The following TENM4 variants were observed in gnomAD, a reference collection of about 807,000 sequenced individuals.
The protein encoded by TENM4 is teneurin transmembrane protein 4.
TENM4 carries 82 observed loss-of-function variants against 243.3 expected under a neutral mutation model. That is an observed-to-expected ratio of 0.34 (90% CI 0.28 to 0.40). The LOEUF (loss-of-function observed/expected upper bound fraction) is 0.40. TENM4 is among the 10% of genes least tolerant of loss of function. The probability of loss-of-function intolerance (pLI) is 1.00; values close to 1 mark genes in which losing one functional copy is unlikely to be tolerated. For synonymous variants in TENM4, 1,412 were observed against 1,456.3 expected, an observed-to-expected ratio of 0.97 and a Z score of 0.69; for missense variants, 3,138 against 3,673.3, an observed-to-expected ratio of 0.85 and a Z score of 3.77.
intron 1 of TENM4, among the ~76,000 whole-genome samples, chr11:79,385,534 C>T (rs1290367521): frequency 6.6e-6 from 1 of 152,052 alleles, no homozygotes; most frequent in Non-Finnish European, 1.5e-5. Flanking sequence ...AATTAATTAC[C>T]CAGTTAGAAC....
intron 19 of TENM4, among the ~76,000 whole-genome samples, chr11:78,748,026 A>G (rs556037304): frequency 6.6e-6 from 1 of 152,294 alleles, no homozygotes; most frequent in East Asian, 1.9e-4. Context: ...TGGAAGGTCC[A>G]TTCACCCCTG....
intron 1 of TENM4, among the ~76,000 whole-genome samples, chr11:79,398,654 G>GGATGATCACA (rs1858395187): frequency 6.6e-6 from 1 of 151,092 alleles, no homozygotes; most frequent in Non-Finnish European, 1.5e-5. Flanking sequence ...ACATGATCAG[G>GGATGATCACA]GATGATCACA....
intron 28 of TENM4, among the ~76,000 whole-genome samples, chr11:78,700,697 G>T (rs1434339931): frequency 6.6e-6 from 1 of 152,190 alleles, no homozygotes; most frequent in Non-Finnish European, 1.5e-5. Context: ...CTCTTAAGAA[G>T]TCCTCCACTG....
chr11:79,054,502 CTT>C (rs35951915), intron 6 of TENM4, among the ~76,000 whole-genome samples: 22 of 143,956 alleles, frequency 1.5e-4, no homozygotes, highest in Admixed American at 2.1e-4. Context: ...CAGGTACCAT[CTT>C]TTTTTTTTTT....
intron 6 of TENM4, among the ~76,000 whole-genome samples, chr11:78,984,575 G>C (rs773130769): frequency 2.6e-5 from 4 of 152,122 alleles, no homozygotes; most frequent in Admixed American, 2.6e-4. Flanking sequence ...GACATGACAA[G>C]GGACTCACTA....
intron 3 of TENM4, among the ~76,000 whole-genome samples, chr11:79,149,336 A>G (rs6592832): frequency 0.5 from 75,381 of 151,900 alleles, 20,091 homozygotes; most frequent in African/African-American, 0.7. Flanking sequence ...TGGATACTTA[A>G]CCCATTCATT....
intron 6 of TENM4, among the ~76,000 whole-genome samples, chr11:79,022,312 T>A (rs1858950401): frequency 6.6e-6 from 1 of 152,184 alleles, no homozygotes; most frequent in African/African-American, 2.4e-5. Flanking sequence ...AAGGTGGGAA[T>A]GTGAATCTGT....
At position 79,419,153 on chromosome 11, in the gene TENM4, G is replaced by A. The variant is rs190159475; in HGVS notation, c.-321+21356C>T. Among the ~76,000 whole-genome samples the A allele has an allele frequency of 1.3e-5, 2 of 152,316 alleles. 1 individual carries two copies. The highest frequency in any genetic ancestry group is 3.9e-4 in the East Asian group (2 of 5,180). On this transcript the variant is annotated intron_variant, in intron 1 of 33. Transcript: ENST00000278550. Reference sequence around the variant, plus strand: ...CCTCCAGGACAAACTCGCATCTAAAGTGGTGAAGGAGATGAAAAGCCTACC... The same window carrying A: ...CCTCCAGGACAAACTCGCATCTAAAATGGTGAAGGAGATGAAAAGCCTACC...
chr11:79,353,031 A>T (rs1344971165), intron 1 of TENM4, among the ~76,000 whole-genome samples: 1 of 152,172 alleles, frequency 6.6e-6, no homozygotes, highest in Non-Finnish European at 1.5e-5. Context: ...GAACAAGATC[A>T]CTTCTTAAAT....
At chr11:79,003,719 T>A (rs1189949753) in intron 6 of TENM4, among the ~76,000 whole-genome samples, 1 of 152,006 alleles carries the variant, frequency 6.6e-6, no homozygotes, top group East Asian at 1.9e-4. Context: ...AAGATGACCA[T>A]CCCCAAAGGT....
intron 4 of TENM4, chr11:79,096,928 G>GCGCGCGCACACA (rs1491382120): frequency 9.7e-5 from 13 of 133,888 alleles, no homozygotes; most frequent in African/African-American, 2.9e-4. Flanking sequence ...GCGCGCGCGC[G>GCGCGCGCACACA]CACACACACA....
chr11:79,001,354 G>A (rs944127990), intron 6 of TENM4, among the ~76,000 whole-genome samples: 1 of 152,192 alleles, frequency 6.6e-6, no homozygotes, highest in Non-Finnish European at 1.5e-5. Context: ...GGGAAGCTGG[G>A]AACCCTGCAT....
chr11:78,965,209 A>G (rs1336096121), intron 6 of TENM4, among the ~76,000 whole-genome samples: 1 of 152,026 alleles, frequency 6.6e-6, no homozygotes, highest in Non-Finnish European at 1.5e-5. Flanking sequence ...TACCTTTTAT[A>G]TAGCTGCTGT....
intron 12 of TENM4, among the ~76,000 whole-genome samples, chr11:78,848,234 G>A (rs959650340): frequency 5.3e-5 from 8 of 151,158 alleles, no homozygotes; most frequent in Non-Finnish European, 1.2e-4. Context: ...CTCTTGTTCC[G>A]GGTCTCATCA....
At chr11:78,721,924 G>C (rs1272984282) in intron 24 of TENM4, among the ~76,000 whole-genome samples, 1 of 152,154 alleles carries the variant, frequency 6.6e-6, no homozygotes, top group Non-Finnish European at 1.5e-5. Flanking sequence ...AAATGATCTA[G>C]GTTAGGGAGG....
In TENM4 at chr11:78,722,713, C is replaced by G; in HGVS notation, c.3755G>C (p.Arg1252Thr). 6.2e-7 allele frequency: 1 copy of G among 1,614,052 alleles called. No homozygotes were observed. Among genetic ancestry groups the G allele is most frequent in the Non-Finnish European group, 8.5e-7 (1 of 1,179,888 alleles). Residue 1252 changes from arginine to threonine, a missense_variant, in exon 24 of 34, where the codon AGA becomes ACA. Arg to Thr is a moderately conservative substitution (Grantham distance 71, BLOSUM62 -1). Coordinates refer to ENST00000278550, the MANE Select transcript of TENM4 (RefSeq NM_001098816.3). ...GACATTTCCAGAGGGGAAGATCCTT[C>G]TAATGTAGTTGAAATCACCCACATA... ...SLYVGDFNYI[R>T]RIFPSGNVTN...
rs1863018226 is a variant in TENM4 at position 79,170,539 on chromosome 11, G to A, written c.-162-21733C>T. On this transcript the variant is annotated intron_variant, in intron 3 of 33. Transcript: ENST00000278550. The stretch of plus-strand genomic sequence containing the variant: ...GCAGGCCCCTAATCCAATATGACTC[G>A]TGTTCTCCTAAGCAGTGGAAATAGT... 2.0e-5 allele frequency among the ~76,000 whole-genome samples: 3 copies of A among 152,198 alleles called. No homozygotes were observed. In the South Asian group the frequency reaches 6.2e-4, roughly 32 times the overall value.
rs180864894 is a variant in TENM4, at chr11:78,933,652, C to T, written c.494-30129G>A. On this transcript the variant is annotated intron_variant, in intron 6 of 33. Coordinates refer to ENST00000278550, the MANE Select transcript of TENM4 (RefSeq NM_001098816.3). ...ATTTGCTAAGTTTCAATCTCAGAAG[C>T]GTTCAGGAGGCCAAGGAGGTTCACT... Among the ~76,000 whole-genome samples the T allele has an allele frequency of 2.0e-3, 307 of 152,238 alleles. 1 individual carries two copies. Among genetic ancestry groups the T allele is most frequent in the African/African-American group, 7.0e-3 (291 of 41,540 alleles).
intron 4 of TENM4, among the ~76,000 whole-genome samples, chr11:79,114,335 G>A (rs1371144711): frequency 1.3e-5 from 2 of 152,216 alleles, no homozygotes; most frequent in African/African-American, 4.8e-5. Context: ...TTTGGTGTCT[G>A]CAAGGCAAGA....
Sources: allele counts gnomAD v4.1 joint callset (sites outside exome capture counted in the v4.1 genomes callset), GRCh38; gene constraint gnomAD v4.1.1; transcripts MANE v1.5; gene names NCBI Gene and HGNC (gene_info 2026-07-23, HGNC 2026-07-21).